The following C1QTNF3 variants were observed in gnomAD, a reference collection of about 807,000 sequenced individuals.
C1QTNF3 encodes the protein complement C1q tumor necrosis factor-related protein 3.
Under a neutral mutation model 32.6 loss-of-function variants are expected in C1QTNF3, and 26 were observed. That is an observed-to-expected ratio of 0.80 (90% confidence interval 0.58 to 1.11). The LOEUF is 1.11. Ranked by LOEUF, C1QTNF3 falls within the 50% of genes least tolerant of loss-of-function variation. The pLI is 0.00. For synonymous variants in C1QTNF3, 155 were observed against 146.0 expected, an observed-to-expected ratio of 1.06 and a Z score of -0.44; for missense variants, 362 against 398.2, an observed-to-expected ratio of 0.91 and a Z score of 0.77.
the C1QTNF3 span, among the ~76,000 whole-genome samples, chr5:34,209,134 A>AT: frequency 6.6e-6 from 1 of 152,318 alleles, no homozygotes; most frequent in South Asian, 2.1e-4. Context: ...TTCTAGGGAG[A>AT]TATTACACCT....
the C1QTNF3 span, among the ~76,000 whole-genome samples, chr5:34,113,067 A>G: frequency 6.7e-6 from 1 of 148,940 alleles, no homozygotes; most frequent in Non-Finnish European, 1.5e-5. Flanking sequence ...TCTGTTATAT[A>G]AGAGATAACC....
At chr5:34,230,828 T>C in the C1QTNF3 span, among the ~76,000 whole-genome samples, 1 of 148,346 alleles carries the variant, frequency 6.7e-6, no homozygotes, top group Non-Finnish European at 1.5e-5. Flanking sequence ...AACTCCTCCA[T>C]AACTATGTCT....
the C1QTNF3 span, among the ~76,000 whole-genome samples, chr5:34,222,914 T>C: frequency 6.6e-6 from 1 of 152,088 alleles, no homozygotes; most frequent in African/African-American, 2.4e-5. Context: ...ATAATACTAA[T>C]GAGATTGACT....
intron 4 of C1QTNF3, 39 bp downstream of exon 4, chr5:34,028,715 A>G (rs1023842279): frequency 5.2e-6 from 8 of 1,546,866 alleles, no homozygotes; most frequent in African/African-American, 1.4e-5. Flanking sequence ...TTATTATTAC[A>G]TTGATTAACT....
At chr5:34,024,850 G>T (rs766396481) in intron 4 of C1QTNF3, among the ~76,000 whole-genome samples, 26 of 152,176 alleles carry the variant, frequency 1.7e-4, no homozygotes, top group Non-Finnish European at 1.5e-4. Context: ...TGGGATTTTG[G>T]TGTGCATTTT....
the C1QTNF3 span, among the ~76,000 whole-genome samples, chr5:34,183,741 G>T: frequency 2.0e-5 from 3 of 151,490 alleles, no homozygotes; most frequent in Admixed American, 1.3e-4. Context: ...CTACTTTCAA[G>T]TAATAGTAGT....
the C1QTNF3 span, among the ~76,000 whole-genome samples, chr5:34,056,479 T>TAGAGAGAG: frequency 4.2e-4 from 22 of 51,772 alleles, no homozygotes; most frequent in East Asian, 2.9e-3. Context: ...TATATATATA[T>TAGAGAGAG]AGAGAGAGAG....
the C1QTNF3 span, among the ~76,000 whole-genome samples, chr5:34,109,866 G>T: frequency 6.6e-6 from 1 of 152,296 alleles, no homozygotes; most frequent in Non-Finnish European, 1.5e-5. Context: ...GAATGGAGCA[G>T]CTATACATGG....
the C1QTNF3 span, among the ~76,000 whole-genome samples, chr5:34,196,146 G>C: frequency 3.3e-5 from 5 of 152,294 alleles, no homozygotes; most frequent in African/African-American, 1.2e-4. Context: ...TTTTTTGTTT[G>C]TTTGCTTTTG....
the C1QTNF3 span, among the ~76,000 whole-genome samples, chr5:34,084,817 TCTGTGCAGAAGCTC>T: frequency 8.9e-6 from 1 of 112,688 alleles, no homozygotes. Flanking sequence ...TTGTTTTTTT[TCTGTGCAGAAGCTC>T]TTTAGTTTAA....
chr5:34,117,782 TA>T, the C1QTNF3 span, among the ~76,000 whole-genome samples: 178 of 143,212 alleles, frequency 1.2e-3, no homozygotes, highest in East Asian at 5.6e-3. Context: ...AAATAAAAAT[TA>T]AAAAAAAAAA....
the C1QTNF3 span, among the ~76,000 whole-genome samples, chr5:34,118,436 C>T: frequency 6.6e-6 from 1 of 152,290 alleles, no homozygotes; most frequent in Middle Eastern, 3.4e-3. Flanking sequence ...TGAAAACCTG[C>T]TTCCATATTT....
At chr5:34,234,160 G>A in the C1QTNF3 span, among the ~76,000 whole-genome samples, 2 of 151,996 alleles carry the variant, frequency 1.3e-5, no homozygotes, top group Non-Finnish European at 2.9e-5. Context: ...ATTAACACTT[G>A]GTTTACTGTA....
At chr5:34,147,340 C>T in the C1QTNF3 span, among the ~76,000 whole-genome samples, 1 of 152,154 alleles carries the variant, frequency 6.6e-6, no homozygotes, top group African/African-American at 2.4e-5. Context: ...GATCATTCTA[C>T]CAAATGGACA....
chr5:34,243,485 T>C, the C1QTNF3 span, among the ~76,000 whole-genome samples: 1 of 152,160 alleles, frequency 6.6e-6, no homozygotes, highest in East Asian at 1.9e-4. Context: ...GGAAAATAAA[T>C]TATTCTACCA....
upstream of C1QTNF3, among the ~76,000 whole-genome samples, chr5:34,044,059 G>A (rs1191804176): frequency 6.6e-6 from 1 of 152,150 alleles, no homozygotes; most frequent in African/African-American, 2.4e-5. Flanking sequence ...GCAACTTAGT[G>A]AGACCCTGTC....
At chr5:34,089,192 T>C in the C1QTNF3 span, among the ~76,000 whole-genome samples, 1 of 152,208 alleles carries the variant, frequency 6.6e-6, no homozygotes, top group South Asian at 2.1e-4. Flanking sequence ...AGGGTTGAAT[T>C]TGCAAACTCA....
At chr5:34,144,720 T>C in the C1QTNF3 span, among the ~76,000 whole-genome samples, 2 of 152,158 alleles carry the variant, frequency 1.3e-5, no homozygotes, top group African/African-American at 4.8e-5. Flanking sequence ...AATAAAAAAT[T>C]CATTGGAATT....
the C1QTNF3 span, among the ~76,000 whole-genome samples, chr5:34,216,651 C>T: frequency 6.6e-6 from 1 of 152,162 alleles, no homozygotes; most frequent in Admixed American, 6.5e-5. Context: ...TGTTCACTTT[C>T]AATAACTATG....
Sources: allele counts gnomAD v4.1 joint callset (sites outside exome capture counted in the v4.1 genomes callset), GRCh38; gene constraint gnomAD v4.1.1; transcripts MANE v1.5; gene names NCBI Gene and HGNC (gene_info 2026-07-23, HGNC 2026-07-21).